Variants in STK38 observed in about 807,000 individuals in gnomAD.
The protein encoded by STK38 is serine/threonine-protein kinase 38.
Under a neutral mutation model 59.0 loss-of-function variants are expected in STK38, and 26 were observed. That is an observed-to-expected ratio of 0.44 (90% CI 0.32 to 0.61). The LOEUF (loss-of-function observed/expected upper bound fraction) is 0.61, where lower values mean the gene tolerates loss of function less well. Among genes scored for constraint, STK38 ranks in the 20% least tolerant of loss-of-function variants. STK38 has a pLI of 0.04. For synonymous variants in STK38, 175 were observed against 176.6 expected (o/e 0.99, Z 0.07); for missense variants, 433 against 566.0 (o/e 0.76, Z 2.38).
At position 36,538,838 on chromosome 6, in the gene STK38, G is replaced by A. The variant is rs145700211; in HGVS notation, c.131+1234C>T. ...ACCCAGGAGGCAGATGATGCAGTGAGCCAAGACCACGCCACTACACTCCAG... is the reference window on the plus strand; with the variant it reads ...ACCCAGGAGGCAGATGATGCAGTGAACCAAGACCACGCCACTACACTCCAG... On this transcript the variant is annotated intron_variant, in intron 2 of 13. Coordinates refer to ENST00000229812, the MANE Select transcript of STK38 (RefSeq NM_007271.4). Among the ~76,000 whole-genome samples the A allele has an allele frequency of 7.3e-3, 980 of 134,634 alleles. 4 individuals carry two copies. Among genetic ancestry groups the A allele is most frequent in the African/African-American group, 0.022 (767 of 35,086 alleles). 88.3% of individuals were successfully genotyped at this position (134,634 alleles called of 152,430 possible).
chr6:36,540,139 T>C lies in STK38; in HGVS notation c.64A>G (p.Met22Val), dbSNP rs760689344. 6.2e-7 allele frequency: 1 copy of C among 1,614,162 alleles called. No individual in the cohort carries two copies. The highest frequency in any genetic ancestry group is 8.5e-7 in the Non-Finnish European group (1 of 1,180,002). ...AAATTCTCCAGTGTCACTTTGGTCA[T>C]TGTCACCCTTTCCTTTGTGTGGTTA... ...MSNHTKERVT[M>V]TKVTLENFYS... Residue 22 changes from methionine to valine, a missense_variant, in exon 2 of 14, where the codon ATG becomes GTG. This residue lies in a region of STK38 where 293 missense variants were observed against 388.2 expected (regional missense o/e 0.75). Coordinates refer to ENST00000229812, the MANE Select transcript of STK38 (RefSeq NM_007271.4).
chr6:36,499,924 T>G lies in STK38; in HGVS notation c.901A>C (p.Lys301Gln). ...CCAAGCGACCACCAATCACAGAGCT[T>G]GTTGTACCCGGTCTGCATGAACACC... is the stretch of plus-strand genomic sequence containing the variant. Reference protein sequence around the residue: ...PEVFMQTGYNKLCDWWSLGVI... With the variant: ...PEVFMQTGYNQLCDWWSLGVI... Residue 301 changes from lysine to glutamine, a missense_variant, in exon 10 of 14, where the codon AAG (lysine) becomes CAG (glutamine). Transcript: ENST00000229812. 1 of 1,614,064 alleles carries G rather than the reference T, an allele frequency of 6.2e-7. No individual in the cohort carries two copies. Among genetic ancestry groups the G allele is most frequent in the Non-Finnish European group, 8.5e-7 (1 of 1,180,012 alleles).
At chr6:36,527,214 GTATATA>G (rs754385176) in intron 2 of STK38, among the ~76,000 whole-genome samples, 9 of 117,238 alleles carry the variant, frequency 7.7e-5, no homozygotes, top group Non-Finnish European at 1.1e-4. Context: ...AAAAATATAT[GTATATA>G]TATATATATT....
chr6:36,542,126 C>T (rs1329117997), intron 1 of STK38, among the ~76,000 whole-genome samples: 3 of 152,156 alleles, frequency 2.0e-5, no homozygotes, highest in African/African-American at 7.2e-5. Flanking sequence ...TGAGCCACTG[C>T]ACCCAGCCCA....
At chr6:36,539,897 G>A (rs1156539605) in intron 2 of STK38, among the ~76,000 whole-genome samples, 175 bp downstream of exon 2, 2 of 151,824 alleles carry the variant, frequency 1.3e-5, no homozygotes, top group Non-Finnish European at 2.9e-5. Context: ...TTGACTTGTA[G>A]GCATAAGTGG....
chr6:36,514,649 G>A (rs191580652), intron 7 of STK38, among the ~76,000 whole-genome samples: 4 of 152,078 alleles, frequency 2.6e-5, no homozygotes, highest in South Asian at 2.1e-4. Context: ...AGGCAACTAC[G>A]CTTATCTGCA....
intron 1 of STK38, among the ~76,000 whole-genome samples, chr6:36,541,447 A>G (rs1435423741): frequency 6.6e-6 from 1 of 152,202 alleles, no homozygotes; most frequent in Non-Finnish European, 1.5e-5. Flanking sequence ...CCATCTAAAA[A>G]TCTACCTTGA....
chr6:36,545,289 G>GA (rs58104312), intron 1 of STK38, among the ~76,000 whole-genome samples: 1,602 of 60,424 alleles, frequency 0.027, 94 homozygotes, highest in African/African-American at 0.083. Flanking sequence ...ACTCCGTCTG[G>GA]AAAAAAAAAA....
At position 36,495,819 on chromosome 6, in the gene STK38, C is replaced by A. The variant is rs202246450; in HGVS notation, c.1363G>T (p.Gly455Trp). ...GCTTTCATGTAGGAAGGTATTGCCC[C>A]CCTTGCAGTCAGGCCCTCAAAGCGC... ...YKRFEGLTAR[G>W]AIPSYMKAAK is the part of the protein sequence containing the mutation. The change falls in exon 14 of 14, where the codon GGG (glycine) becomes TGG (tryptophan). Residue 455 changes from glycine to tryptophan, a missense_variant. Gly to Trp is a radical substitution (Grantham distance 184). Around this residue, in one of 3 missense-constraint regions of STK38, gnomAD observed 136 missense variants for 156.7 expected, o/e 0.87. Coordinates refer to ENST00000229812, the MANE Select transcript of STK38 (RefSeq NM_007271.4). 4 of 1,614,058 alleles carry A rather than the reference C, an allele frequency of 2.5e-6. No individual in the cohort carries two copies. Among genetic ancestry groups the A allele is most frequent in the African/African-American group, 1.3e-5 (1 of 75,032 alleles).
intron 2 of STK38, among the ~76,000 whole-genome samples, chr6:36,529,228 T>C (rs1777610335): frequency 6.6e-6 from 1 of 152,174 alleles, no homozygotes; most frequent in South Asian, 2.1e-4. Context: ...CTTGACAGTA[T>C]GTAGGATTAA....
chr6:36,498,020 G>C, intron 11 of STK38, 145 bp from the exon 12 acceptor site: 1 of 629,902 alleles, frequency 1.6e-6, no homozygotes. Flanking sequence ...GCTCACTGCA[G>C]CCTCAACTTC....
chr6:36,538,220 C>A (rs930811194), intron 2 of STK38, among the ~76,000 whole-genome samples: 1 of 151,678 alleles, frequency 6.6e-6, no homozygotes, highest in African/African-American at 2.4e-5. Context: ...GGGAGAATGG[C>A]GTGAACCTGG....
At chr6:36,522,052 C>T (rs1019996548) in intron 4 of STK38, 1 of 320,818 alleles carries the variant, frequency 3.1e-6, no homozygotes, top group African/African-American at 2.2e-5. Context: ...AGCTTTGGTT[C>T]CTTAGTTGAA....
At position 36,513,029 on chromosome 6, in the gene STK38, A is replaced by C. The variant is rs1042219344; in HGVS notation, c.669+2309T>G. Among the ~76,000 whole-genome samples the C allele has an allele frequency of 6.7e-5, 10 of 149,308 alleles. No individual in the cohort carries two copies. In the South Asian group the frequency reaches 1.3e-3, roughly 19 times the overall value. ...TCTACCATGTTTATGCATTATTATTATTATTTTTTAGATGGAGTCTTGCTC... is the reference window on the plus strand; with the variant it reads ...TCTACCATGTTTATGCATTATTATTCTTATTTTTTAGATGGAGTCTTGCTC... On this transcript the variant is annotated intron_variant, in intron 7 of 13. Coordinates refer to ENST00000229812, the MANE Select transcript of STK38 (RefSeq NM_007271.4).
At chr6:36,539,579 T>C (rs1286952480) in intron 2 of STK38, among the ~76,000 whole-genome samples, 1 of 152,050 alleles carries the variant, frequency 6.6e-6, no homozygotes, top group East Asian at 1.9e-4. Flanking sequence ...TTATCCCCAT[T>C]TTCCTGATGA....
At chr6:36,506,543 C>T (rs769970483) in intron 9 of STK38, 40 bp downstream of exon 9, 3 of 1,589,792 alleles carry the variant, frequency 1.9e-6, no homozygotes, top group Middle Eastern at 1.9e-4. Context: ...CTTATTCATA[C>T]TTGGTTTGTA....
chr6:36,532,565 C>A (rs949356352), intron 2 of STK38, among the ~76,000 whole-genome samples: 2 of 152,018 alleles, frequency 1.3e-5, no homozygotes, highest in African/African-American at 4.8e-5. Context: ...CACTTGAGGT[C>A]AGGAACTCAA....
intron 1 of STK38, among the ~76,000 whole-genome samples, chr6:36,546,639 G>C (rs1778059478): frequency 6.6e-6 from 1 of 152,130 alleles, no homozygotes; most frequent in Non-Finnish European, 1.5e-5. Flanking sequence ...TTTTCCTCTG[G>C]CTGTTGCTTT....
chr6:36,546,197 G>A (rs1682538123), intron 1 of STK38, among the ~76,000 whole-genome samples: 1 of 152,196 alleles, frequency 6.6e-6, no homozygotes, highest in Admixed American at 6.5e-5. Flanking sequence ...TTCATGCACA[G>A]TGCTATGCAC....
Sources: gnomAD v4.1 joint callset for allele counts (sites outside exome capture counted in the v4.1 genomes callset) on GRCh38, gnomAD v4.1.1 for gene constraint, gnomAD v4.1.1 regional missense constraint, MANE v1.5 for transcripts, NCBI Gene and HGNC (gene_info 2026-07-23, HGNC 2026-07-21) for gene names.